Variants in DLC1 observed in about 807,000 individuals in gnomAD.
DLC1 encodes the protein DLC1 Rho GTPase activating protein, also known as rho GTPase-activating protein 7.
In DLC1, 54 loss-of-function variants were observed where a neutral mutation model predicts 140.3. That is an observed-to-expected ratio of 0.38 (90% CI 0.31 to 0.48). The LOEUF (loss-of-function observed/expected upper bound fraction) is 0.48. DLC1 is among the 20% of genes least tolerant of loss of function. The pLI is 0.96. For missense variants in DLC1, 2,536 were observed against 1,907.0 expected (o/e 1.33, Z -6.14); for synonymous variants, 986 against 728.1 (o/e 1.35, Z -5.70).
intron 2 of DLC1, among the ~76,000 whole-genome samples, chr8:13,427,145 C>A (rs963190076): frequency 2.0e-5 from 3 of 152,126 alleles, no homozygotes; most frequent in African/African-American, 7.2e-5. Flanking sequence ...GGGCTCTTGG[C>A]TCTCTCCCTG....
At position 13,312,360 on chromosome 8, in the gene DLC1, CAAA is replaced by C. The variant is rs777597726; in HGVS notation, c.1315-7061_1315-7059del. ...TGGGCGACAGAGCGAGACTCCGTCT[CAAA>C]AAAAAAAAAAAAAAAAAAAAAAAAA... On this transcript the variant is annotated intron_variant, in intron 4 of 17. Transcript: ENST00000276297. 0.016 allele frequency among the ~76,000 whole-genome samples: 108 copies of C among 6,626 alleles called. 2 individuals carry two copies. In the East Asian group the frequency reaches 0.27, roughly 16 times the overall value. 4.3% of individuals were successfully genotyped at this position (6,626 alleles called of 152,430 possible).
At chr8:13,287,025 C>A (rs896553101) in intron 5 of DLC1, among the ~76,000 whole-genome samples, 1 of 152,108 alleles carries the variant, frequency 6.6e-6, no homozygotes, top group Non-Finnish European at 1.5e-5. Context: ...GCAAATGCTT[C>A]TTTTGTACAG....
intron 2 of DLC1, among the ~76,000 whole-genome samples, chr8:13,416,521 A>C (rs1461116622): frequency 6.6e-6 from 1 of 152,176 alleles, no homozygotes; most frequent in East Asian, 1.9e-4. Context: ...CTATGAACTT[A>C]AGGAGGGAAG....
chr8:13,419,506 T>C (rs1563331471), intron 2 of DLC1, among the ~76,000 whole-genome samples: 1 of 152,242 alleles, frequency 6.6e-6, no homozygotes, highest in Non-Finnish European at 1.5e-5. Flanking sequence ...GTTTATATGC[T>C]GGATTACATT....
At chr8:13,276,749 C>A in intron 5 of DLC1, 1 of 325,152 alleles carries the variant, frequency 3.1e-6, no homozygotes, top group Non-Finnish European at 4.6e-6. Flanking sequence ...CCTTCAGGGG[C>A]AGTCCAGGTG....
intron 1 of DLC1, chr8:13,568,095 C>T: frequency 1.1e-6 from 1 of 895,540 alleles, no homozygotes; most frequent in Non-Finnish European, 1.7e-6. Context: ...TTATAGAAGG[C>T]ACTGTTGTAG....
intron 4 of DLC1, among the ~76,000 whole-genome samples, chr8:13,375,056 C>G (rs1450639411): frequency 1.5e-5 from 2 of 135,646 alleles, no homozygotes; most frequent in African/African-American, 5.7e-5. Flanking sequence ...GAGACGGAGT[C>G]TGGCTCTGTC....
chr8:13,260,204 G>A lies in DLC1; in HGVS notation c.1348+45065C>T, dbSNP rs559648367. Among the ~76,000 whole-genome samples, 5 of 152,276 alleles carry A rather than the reference G, an allele frequency of 3.3e-5. No individual in the cohort carries two copies. In the East Asian group the frequency reaches 5.8e-4, roughly 18 times the overall value. On this transcript the variant is annotated intron_variant, in intron 5 of 17. Coordinates refer to ENST00000276297, the MANE Select transcript of DLC1 (RefSeq NM_182643.3). ...GCCTGGAAATTGCATGATCTTGATC[G>A]TTTCTGAGCAAAAACAGTGAAACAG...
At chr8:13,196,432 G>A (rs960351903) in intron 5 of DLC1, among the ~76,000 whole-genome samples, 22 of 152,070 alleles carry the variant, frequency 1.4e-4, no homozygotes, top group Admixed American at 5.9e-4. Context: ...ACACATACCC[G>A]TGTAAGGTCT....
At chr8:13,480,526 C>T (rs1800681413) in intron 2 of DLC1, among the ~76,000 whole-genome samples, 1 of 152,118 alleles carries the variant, frequency 6.6e-6, no homozygotes, top group Admixed American at 6.6e-5. Context: ...ATAAAGACTG[C>T]TATGGTCTTT....
chr8:13,508,268 A>G (rs1354540379), intron 1 of DLC1, among the ~76,000 whole-genome samples: 2 of 152,200 alleles, frequency 1.3e-5, no homozygotes. Flanking sequence ...CATTTTCTTA[A>G]GCAACCCGCA....
chr8:13,216,530 C>A (rs1828206859), intron 5 of DLC1, among the ~76,000 whole-genome samples: 1 of 152,174 alleles, frequency 6.6e-6, no homozygotes. Context: ...CATTTTACCC[C>A]ATCCCTCTAC....
chr8:13,366,557 G>A (rs1835490864), intron 4 of DLC1, among the ~76,000 whole-genome samples: 1 of 152,174 alleles, frequency 6.6e-6, no homozygotes, highest in Non-Finnish European at 1.5e-5. Context: ...AGAACCCAGA[G>A]GTCTTGACTT....
intron 1 of DLC1, among the ~76,000 whole-genome samples, chr8:13,600,411 T>C (rs28718464): frequency 0.043 from 6,489 of 151,920 alleles, 175 homozygotes; most frequent in East Asian, 0.14. Context: ...AAGAAATGTA[T>C]GGTTATTCGT....
intron 4 of DLC1, chr8:13,342,836 T>TTC (rs1206303018): frequency 0.2 from 25,072 of 126,122 alleles, 2,265 homozygotes; most frequent in South Asian, 0.35. Context: ...TCAGTTGTGC[T>TTC]TCTCTCTCTC....
At chr8:13,090,977 A>T (rs969321637) in intron 14 of DLC1, among the ~76,000 whole-genome samples, 10 of 150,964 alleles carry the variant, frequency 6.6e-5, no homozygotes, top group Non-Finnish European at 1.5e-4. Flanking sequence ...GCTAATTTTT[A>T]AATTTTTTTT....
At chr8:13,398,701 A>C (rs950491558) in intron 3 of DLC1, among the ~76,000 whole-genome samples, 5 of 152,084 alleles carry the variant, frequency 3.3e-5, no homozygotes, top group Admixed American at 2.6e-4. Context: ...GACTAGTAGG[A>C]ACAGAGCAAT....
chr8:13,303,516 A>T (rs1832290498), intron 5 of DLC1, among the ~76,000 whole-genome samples: 1 of 152,200 alleles, frequency 6.6e-6, no homozygotes, highest in Admixed American at 6.5e-5. Context: ...TTGTTTTAAA[A>T]ATATTTTCAT....
chr8:13,427,781 C>T (rs920028951), intron 2 of DLC1, among the ~76,000 whole-genome samples: 3 of 152,216 alleles, frequency 2.0e-5, no homozygotes, highest in South Asian at 2.1e-4. Context: ...GAATCTTAAA[C>T]CTTTACATTG....
Sources: allele counts gnomAD v4.1 joint callset (sites outside exome capture counted in the v4.1 genomes callset), GRCh38; gene constraint gnomAD v4.1.1; transcripts MANE v1.5; gene names NCBI Gene and HGNC (gene_info 2026-07-23, HGNC 2026-07-21).